APPL1: variants seen among roughly 807,000 people sequenced by gnomAD.
APPL1 encodes the protein DCC-interacting protein 13-alpha.
A neutral mutation model predicts 106.8 loss-of-function variants in APPL1; 42 were observed. That is an observed-to-expected ratio of 0.39 (90% CI 0.31 to 0.51). APPL1 has a LOEUF of 0.51. Ranked by LOEUF, APPL1 falls within the 20% of genes least tolerant of loss-of-function variation. The pLI is 0.75. For missense variants in APPL1, 769 were observed against 858.2 expected (o/e 0.90, Z 1.30); for synonymous variants, 263 against 281.8 (o/e 0.93, Z 0.67).
chr3:57,250,056 T>C (rs1313411462), intron 11 of APPL1, among the ~76,000 whole-genome samples: 1 of 152,252 alleles, frequency 6.6e-6, no homozygotes, highest in Non-Finnish European at 1.5e-5. Context: ...TAGTAGGTGC[T>C]AACAATAGTG....
chr3:57,243,360 C>T (rs935487628), intron 7 of APPL1, among the ~76,000 whole-genome samples: 1 of 152,136 alleles, frequency 6.6e-6, no homozygotes, highest in Non-Finnish European at 1.5e-5. Context: ...AGAAATATTA[C>T]ACTATATTTG....
intron 6 of APPL1, 35 bp downstream of exon 6, chr3:57,242,177 G>C: frequency 1.3e-6 from 2 of 1,528,752 alleles, no homozygotes; most frequent in East Asian, 4.6e-5. Context: ...ATTTCTTGCA[G>C]TGATGTATTT....
intron 21 of APPL1, 103 bp downstream of exon 21, chr3:57,268,590 T>C (rs2060911680): frequency 7.5e-7 from 1 of 1,335,586 alleles, no homozygotes; most frequent in South Asian, 1.9e-5. Context: ...CTGTTTCTGC[T>C]TGTTCAGCCA....
At chr3:57,242,395 G>C (rs529678260) in intron 6 of APPL1, among the ~76,000 whole-genome samples, 3 of 151,736 alleles carry the variant, frequency 2.0e-5, no homozygotes, top group Non-Finnish European at 4.4e-5. Context: ...TACCCTTCTT[G>C]TTCTTTTATA....
At chr3:57,250,898 C>G (rs2060800562) in intron 11 of APPL1, among the ~76,000 whole-genome samples, 4 of 147,352 alleles carry the variant, frequency 2.7e-5, no homozygotes, top group Non-Finnish European at 4.5e-5. Context: ...AGCTCCGCCT[C>G]CCGGGTTCAC....
Position 57,270,533 on chromosome 3 carries a change from T to C in APPL1, c.*846T>C, listed in dbSNP as rs1037322253. ...CTATGGAATGATACATTGTATTTTC[T>C]GCATTGTGTGAAATAGTTTTTATTG... On this transcript the variant is annotated 3_prime_UTR_variant, in exon 22 of 22. Coordinates refer to ENST00000288266, the MANE Select transcript of APPL1 (RefSeq NM_012096.3). 6.5e-6 allele frequency: 1 copy of C among 152,692 alleles called. No homozygotes were observed. Among genetic ancestry groups the C allele is most frequent in the Admixed American group, 6.5e-5 (1 of 15,290 alleles). The allele number at this position is 152,692 out of a possible 1,614,324, so 9.5% of individuals were successfully genotyped here.
At position 57,257,227 on chromosome 3, in the gene APPL1, C is replaced by T. The variant is rs747848753; in HGVS notation, c.1248-19C>T. 4 of 1,596,568 alleles carry T rather than the reference C, an allele frequency of 2.5e-6. No individual in the cohort carries two copies. Among genetic ancestry groups the T allele is most frequent in the African/African-American group, 2.7e-5 (2 of 73,814 alleles). The stretch of plus-strand genomic sequence containing the variant: ...CAAAAGGGAAAATTAAATGCAATGC[C>T]TTCTTGTTTTATGCTTAGACAATCT... On this transcript the variant is annotated intron_variant, in intron 14 of 21. Transcript: ENST00000288266.
At chr3:57,253,484 C>T (rs2107605429) in intron 12 of APPL1, among the ~76,000 whole-genome samples, 198 bp from the exon 13 acceptor site, 1 of 151,550 alleles carries the variant, frequency 6.6e-6, no homozygotes, top group South Asian at 2.1e-4. Flanking sequence ...TATGCACCCT[C>T]CTTATGAAAT....
chr3:57,255,360 T>C (rs140576831), intron 13 of APPL1, among the ~76,000 whole-genome samples: 357 of 152,292 alleles, frequency 2.3e-3, no homozygotes, highest in African/African-American at 8.3e-3. Context: ...AATCTGCTGT[T>C]GATGTAATGG....
At chr3:57,239,996 T>A (rs1462681993) in intron 4 of APPL1, among the ~76,000 whole-genome samples, 1 of 152,166 alleles carries the variant, frequency 6.6e-6, no homozygotes, top group East Asian at 1.9e-4. Flanking sequence ...CATTTGTTTA[T>A]CTTTGAAGAA....
intron 9 of APPL1, 119 bp from the exon 10 acceptor site, chr3:57,248,073 AC>A (rs2060784172): frequency 1.0e-6 from 1 of 966,326 alleles, no homozygotes. Flanking sequence ...TGTTTTAACC[AC>A]CCATGCCGCT....
chr3:57,236,886 G>A (rs113825177), intron 2 of APPL1, among the ~76,000 whole-genome samples: 158 of 152,012 alleles, frequency 1.0e-3, no homozygotes, highest in African/African-American at 3.4e-3. Flanking sequence ...TTCTCATATT[G>A]TTTGCTTTCT....
chr3:57,256,218 A>G (rs2060835440), intron 13 of APPL1, among the ~76,000 whole-genome samples: 1 of 152,202 alleles, frequency 6.6e-6, no homozygotes, highest in South Asian at 2.1e-4. Flanking sequence ...AAAAAAGACC[A>G]TTTAAAAAAT....
chr3:57,227,964 G>C, intron 1 of APPL1, 27 bp downstream of exon 1: 1 of 1,418,774 alleles, frequency 7.0e-7, no homozygotes, highest in African/African-American at 1.5e-5. Context: ...GGTGGGCGAC[G>C]AGGGAGAGCC....
intron 1 of APPL1, among the ~76,000 whole-genome samples, chr3:57,231,495 A>AT (rs536587778): frequency 2.0e-5 from 3 of 151,626 alleles, no homozygotes; most frequent in East Asian, 1.9e-4. Flanking sequence ...TTAGTTTTTA[A>AT]TTTTTTTTAG....
In APPL1 at chr3:57,227,860, T is replaced by G; in HGVS notation, c.-24T>G. The G allele has an allele frequency of 1.4e-6, 2 of 1,455,134 alleles. No individual in the cohort carries two copies. The highest frequency in any genetic ancestry group is 5.9e-5 in the East Asian group (2 of 33,716). 90.1% of individuals were successfully genotyped at this position (1,455,134 alleles called of 1,614,324 possible). A position where few individuals can be genotyped will look rare whatever the true frequency, so the allele number is the denominator to read the frequency against. ...AGCTGTGGGCGGCAGCTGCGTCTCC[T>G]GCCACCGCCCTCCCTCCGCCACGAT... is the stretch of plus-strand genomic sequence containing the variant. On this transcript the variant is annotated 5_prime_UTR_variant, in exon 1 of 22. Coordinates refer to ENST00000288266, the MANE Select transcript of APPL1 (RefSeq NM_012096.3).
At chr3:57,250,250 C>G (rs370275306) in intron 11 of APPL1, among the ~76,000 whole-genome samples, 2 of 152,182 alleles carry the variant, frequency 1.3e-5, no homozygotes, top group East Asian at 1.9e-4. Context: ...AAGGGATCCT[C>G]CTACCTCAGG....
Position 57,257,438 on chromosome 3 carries a change from A to G in APPL1, c.1430+10A>G, listed in dbSNP as rs761273767. 1.2e-6 allele frequency: 2 copies of G among 1,607,290 alleles called. No homozygotes were observed. The highest frequency in any genetic ancestry group is 1.7e-6 in the Non-Finnish European group (2 of 1,176,556). On this transcript the variant is annotated intron_variant, in intron 15 of 21. Transcript: ENST00000288266. ...TTGGCCAGGGAGGCAGGTGGGTGAT[A>G]GCATCACAGGTACATTGTGCTGTGG...
In APPL1 at chr3:57,268,409, A is replaced by G. The variant is rs559015834; in HGVS notation, c.1905A>G (p.Ala635=). ...CATCTGTTCTTTAGGATCGTAGGGCATCAGAAAAACAAAAAGAAATAGAGA... is the reference window on the plus strand; with the variant it reads ...CATCTGTTCTTTAGGATCGTAGGGCGTCAGAAAAACAAAAAGAAATAGAGA... ...IALHAELDRR[A]SEKQKEIERV... The change falls in exon 21 of 22, where the codon GCA becomes GCG. Residue 635 remains alanine, a synonymous_variant. Coordinates refer to ENST00000288266, the MANE Select transcript of APPL1 (RefSeq NM_012096.3). 1.9e-6 allele frequency: 3 copies of G among 1,583,402 alleles called. No homozygotes were observed. The highest frequency in any genetic ancestry group is 2.7e-5 in the African/African-American group (2 of 73,896).
Sources: gnomAD v4.1 joint callset for allele counts (sites outside exome capture counted in the v4.1 genomes callset) on GRCh38, gnomAD v4.1.1 for gene constraint, MANE v1.5 for transcripts, NCBI Gene and HGNC (gene_info 2026-07-23, HGNC 2026-07-21) for gene names.